The following NIM1K variants were observed in gnomAD, a reference collection of about 807,000 sequenced individuals.
NIM1K encodes the protein serine/threonine-protein kinase NIM1.
A neutral mutation model predicts 37.1 loss-of-function variants in NIM1K; 35 were observed. The observed-to-expected ratio is 0.94, with a 90% CI of 0.72 to 1.25. NIM1K has a LOEUF of 1.25. Among genes scored for constraint, NIM1K ranks in the 50% most tolerant of loss-of-function variants. NIM1K has a pLI of 0.00. For missense variants in NIM1K, 564 were observed against 548.0 expected (o/e 1.03, Z -0.29); for synonymous variants, 234 against 206.6 (o/e 1.13, Z -1.14).
chr5:43,234,963 T>A (rs1752599950), intron 1 of NIM1K, among the ~76,000 whole-genome samples: 1 of 152,202 alleles, frequency 6.6e-6, no homozygotes, highest in South Asian at 2.1e-4. Context: ...AGACATTATT[T>A]TGTCTGACAA....
chr5:43,219,925 C>T (rs1326712756), intron 1 of NIM1K, among the ~76,000 whole-genome samples: 2 of 152,082 alleles, frequency 1.3e-5, no homozygotes, highest in South Asian at 4.1e-4. Flanking sequence ...CAGGGTTTCA[C>T]TATGTTGGCC....
chr5:43,233,193 C>T, intron 1 of NIM1K: 2 of 1,121,576 alleles, frequency 1.8e-6, no homozygotes, highest in Non-Finnish European at 2.6e-6. Flanking sequence ...TTCACGGCTG[C>T]CGAGGCGATG....
chr5:43,232,988 G>T, intron 1 of NIM1K: 1 of 1,152,092 alleles, frequency 8.7e-7, no homozygotes, highest in Non-Finnish European at 1.3e-6. Context: ...ACTGCCCTGG[G>T]CACATGCTTG....
At position 43,277,055 on chromosome 5, in the gene NIM1K, A is replaced by G; in HGVS notation, c.293-2A>G. On this transcript the variant is annotated splice_acceptor_variant, in intron 2 of 3. Coordinates refer to ENST00000326035, the MANE Select transcript of NIM1K (RefSeq NM_153361.4). LOFTEE classifies it high-confidence loss of function. ...CACAATTTTTACTTTTTTTCCTTGC[A>G]GAAAAGGTGGCCATTAAGATCCTGG... 7.4e-6 allele frequency: 12 copies of G among 1,611,522 alleles called. No individual in the cohort carries two copies. The highest frequency in any genetic ancestry group is 9.3e-6 in the Non-Finnish European group (11 of 1,179,272).
rs1229034115 is a variant in NIM1K at position 43,280,653 on chromosome 5, A to C, written c.1235A>C (p.Lys412Thr). 1 of 1,613,936 alleles carries C rather than the reference A, an allele frequency of 6.2e-7. No individual in the cohort carries two copies. The highest frequency in any genetic ancestry group is 8.5e-7 in the Non-Finnish European group (1 of 1,179,976). ...CCAGTCATGATGCTACCAGACCCTA[A>C]AGAAAGAGACCTCAAAAAAGGGTCC... ...SVPVMMLPDP[K>T]ERDLKKGSRV... The change falls in exon 4 of 4, where the codon AAA (lysine) becomes ACA (threonine). Residue 412 changes from lysine (K) to threonine (T), a missense_variant. Transcript: ENST00000326035.
At chr5:43,266,619 C>T (rs1183700677) in intron 2 of NIM1K, among the ~76,000 whole-genome samples, 4 of 152,218 alleles carry the variant, frequency 2.6e-5, no homozygotes, top group Non-Finnish European at 2.9e-5. Flanking sequence ...GTGGGCTGCA[C>T]CCACTGTCCA....
At chr5:43,199,924 G>T (rs1207117502) in intron 1 of NIM1K, among the ~76,000 whole-genome samples, 1 of 152,208 alleles carries the variant, frequency 6.6e-6, no homozygotes, top group Non-Finnish European at 1.5e-5. Context: ...TGCCCAGGCT[G>T]GAGTGCAATG....
chr5:43,277,391 G>C, intron 3 of NIM1K, 66 bp downstream of exon 3: 1 of 1,531,932 alleles, frequency 6.5e-7, no homozygotes, highest in African/African-American at 1.4e-5. Context: ...CAGGGCTTTA[G>C]GTTACTAACC....
intron 2 of NIM1K, among the ~76,000 whole-genome samples, chr5:43,246,686 A>G (rs1579977822): frequency 6.6e-6 from 1 of 152,068 alleles, no homozygotes; most frequent in Admixed American, 6.5e-5. Flanking sequence ...CCTAGCTCTC[A>G]TTGTTTGGCT....
chr5:43,260,119 T>C (rs1449544632), intron 2 of NIM1K, among the ~76,000 whole-genome samples: 1 of 152,084 alleles, frequency 6.6e-6, no homozygotes, highest in Admixed American at 6.6e-5. Context: ...AATCTACGAG[T>C]CTTTTGAAGG....
intron 1 of NIM1K, among the ~76,000 whole-genome samples, chr5:43,218,695 ATAATTGAGGATCAAATTTTTCT>A: frequency 6.6e-6 from 1 of 151,114 alleles, no homozygotes; most frequent in East Asian, 1.9e-4. Flanking sequence ...CACCTCCTTC[ATAATTGAGGATCAAATTTTTCT>A]TCTTTTCTTT....
chr5:43,241,208 T>C (rs1231030131), intron 1 of NIM1K, among the ~76,000 whole-genome samples: 1 of 152,056 alleles, frequency 6.6e-6, no homozygotes, highest in African/African-American at 2.4e-5. Flanking sequence ...ATTTCTTTAA[T>C]TATAAGTAAG....
chr5:43,268,891 C>T (rs1232203992), intron 2 of NIM1K, among the ~76,000 whole-genome samples: 1 of 152,140 alleles, frequency 6.6e-6, no homozygotes, highest in African/African-American at 2.4e-5. Context: ...GATCAGATGT[C>T]CCCCACTGCC....
chr5:43,214,854 C>T (rs1752277706), intron 1 of NIM1K, among the ~76,000 whole-genome samples: 1 of 150,930 alleles, frequency 6.6e-6, no homozygotes, highest in African/African-American at 2.4e-5. Flanking sequence ...AAGAAATGTG[C>T]CCATTTTGTG....
intron 1 of NIM1K, among the ~76,000 whole-genome samples, chr5:43,211,942 C>G (rs1020422054): frequency 6.6e-6 from 1 of 152,140 alleles, no homozygotes; most frequent in Non-Finnish European, 1.5e-5. Flanking sequence ...CTTCATCAAA[C>G]CACACATGCA....
At position 43,214,724 on chromosome 5, in the gene NIM1K, G is replaced by A. The variant is rs535787726; in HGVS notation, c.-695+22313G>A. ...CCAGCTACTCGGGAGGCTGAGGCAG[G>A]AGAATGGCGTGAACCCAGGAGGCGG... On this transcript the variant is annotated intron_variant, in intron 1 of 3. Coordinates refer to ENST00000326035, the MANE Select transcript of NIM1K (RefSeq NM_153361.4). Among the ~76,000 whole-genome samples, 331 of 148,988 alleles carry A rather than the reference G, an allele frequency of 2.2e-3. 3 individuals carry two copies. Among genetic ancestry groups the A allele is most frequent in the African/African-American group, 7.9e-3 (321 of 40,530 alleles).
intron 2 of NIM1K, 143 bp from the exon 3 acceptor site, chr5:43,276,914 G>T (rs1045570941): frequency 1.2e-5 from 10 of 805,992 alleles, no homozygotes; most frequent in Non-Finnish European, 2.0e-5. Context: ...CTTAAGCATT[G>T]CTTTGTCATT....
chr5:43,198,862 C>A (rs1751974691), intron 1 of NIM1K, among the ~76,000 whole-genome samples: 1 of 152,030 alleles, frequency 6.6e-6, no homozygotes, highest in Non-Finnish European at 1.5e-5. Flanking sequence ...TAATAGCAGG[C>A]ACCTTTTAGG....
chr5:43,198,145 T>G (rs1258692772), intron 1 of NIM1K, among the ~76,000 whole-genome samples: 2 of 45,508 alleles, frequency 4.4e-5, no homozygotes, highest in African/African-American at 1.5e-4. Context: ...CTTTCTTTCT[T>G]TCTTTCTTTC....
Sources: allele counts gnomAD v4.1 joint callset (sites outside exome capture counted in the v4.1 genomes callset), GRCh38; gene constraint gnomAD v4.1.1; transcripts MANE v1.5; gene names NCBI Gene and HGNC (gene_info 2026-07-23, HGNC 2026-07-21).